The following SEMA3D variants were observed in gnomAD, a reference collection of about 807,000 sequenced individuals.
SEMA3D encodes the protein semaphorin-3D.
A neutral mutation model predicts 100.1 loss-of-function variants in SEMA3D; 84 were observed. The ratio of observed to expected loss-of-function variants is 0.84; its 90% CI spans 0.70 to 1.01. The LOEUF is 1.01. Among genes scored for constraint, SEMA3D ranks in the 50% least tolerant of loss-of-function variants. The pLI, the probability that SEMA3D is intolerant of heterozygous loss-of-function variation, is 0.00. For missense variants in SEMA3D, 875 were observed against 934.1 expected, an observed-to-expected ratio of 0.94 and a Z score of 0.82; for synonymous variants, 312 against 320.7, an observed-to-expected ratio of 0.97 and a Z score of 0.29.
intron 16 of SEMA3D, 47 bp downstream of exon 16, chr7:85,015,012 C>A: frequency 7.0e-7 from 1 of 1,437,706 alleles, no homozygotes; most frequent in South Asian, 1.2e-5. Context: ...GTGAGATATT[C>A]AGCTTGTAGA....
At chr7:85,013,750 G>A (rs1790022537) in intron 16 of SEMA3D, among the ~76,000 whole-genome samples, 1 of 151,864 alleles carries the variant, frequency 6.6e-6, no homozygotes, top group South Asian at 2.1e-4. Flanking sequence ...AAACATCACA[G>A]TGGCATGTCT....
intron 15 of SEMA3D, among the ~76,000 whole-genome samples, chr7:85,016,930 T>C (rs1790120880): frequency 6.6e-6 from 1 of 151,542 alleles, no homozygotes; most frequent in Non-Finnish European, 1.5e-5. Context: ...GGGCTTTCAT[T>C]GTTTTTAAGA....
chr7:85,087,238 C>A (rs1304110360), intron 4 of SEMA3D, among the ~76,000 whole-genome samples: 1 of 152,204 alleles, frequency 6.6e-6, no homozygotes, highest in African/African-American at 2.4e-5. Flanking sequence ...AACAGAGATG[C>A]CATTGCCTAA....
At chr7:85,084,151 GA>G (rs113868143) in intron 4 of SEMA3D, among the ~76,000 whole-genome samples, 1,652 of 141,826 alleles carry the variant, frequency 0.012, 28 homozygotes, top group African/African-American at 0.039. Context: ...CATCTCAAAA[GA>G]AAAAAAAAAA....
Position 85,086,738 on chromosome 7 carries a change from T to C in SEMA3D, c.313-5159A>G, listed in dbSNP as rs138037782. ...ACACGCAGTTATATAAAGGGAAAAA[T>C]AGAGATGTCAACTATAGGGTCATTG... is the stretch of plus-strand genomic sequence containing the variant. On this transcript the variant is annotated intron_variant, in intron 4 of 18. Coordinates refer to ENST00000284136, the MANE Select transcript of SEMA3D (RefSeq NM_001384900.1). Among the ~76,000 whole-genome samples, 20 of 148,600 alleles carry C rather than the reference T, an allele frequency of 1.3e-4. 2 individuals carry two copies. Among genetic ancestry groups the C allele is most frequent in the African/African-American group, 5.0e-4 (20 of 40,314 alleles).
At chr7:85,152,553 T>C (rs1383760005) in intron 2 of SEMA3D, among the ~76,000 whole-genome samples, 2 of 152,068 alleles carry the variant, frequency 1.3e-5, no homozygotes, top group Non-Finnish European at 2.9e-5. Flanking sequence ...ATTATGCCTA[T>C]CAAACAATGA....
At chr7:85,049,872 T>G (rs79543010) in intron 9 of SEMA3D, among the ~76,000 whole-genome samples, 118 of 151,846 alleles carry the variant, frequency 7.8e-4, no homozygotes, top group African/African-American at 2.7e-3. Context: ...AAGGAAATAC[T>G]GCAAAACAAA....
intron 17 of SEMA3D, among the ~76,000 whole-genome samples, chr7:85,011,455 G>A (rs1331596380): frequency 3.3e-5 from 5 of 151,722 alleles, no homozygotes; most frequent in East Asian, 1.9e-4. Flanking sequence ...CAGCAACTAC[G>A]TTTTGTATCA....
the SEMA3D span, among the ~76,000 whole-genome samples, chr7:85,243,807 ATTTAT>A: frequency 6.6e-6 from 1 of 152,326 alleles, no homozygotes; most frequent in African/African-American, 2.4e-5. Flanking sequence ...TTTATTCTGA[ATTTAT>A]TTTAACATTT....
chr7:85,126,731 C>G (rs755434102), intron 2 of SEMA3D, among the ~76,000 whole-genome samples: 1 of 151,680 alleles, frequency 6.6e-6, no homozygotes, highest in East Asian at 1.9e-4. Flanking sequence ...GTGGACAGCA[C>G]AACAAAGAGG....
chr7:85,087,480 A>T (rs549007229), intron 4 of SEMA3D, among the ~76,000 whole-genome samples: 6 of 152,194 alleles, frequency 3.9e-5, no homozygotes, highest in Admixed American at 6.5e-5. Flanking sequence ...GTGGATCCAG[A>T]AGAACCTAAG....
intron 4 of SEMA3D, among the ~76,000 whole-genome samples, chr7:85,089,487 A>G (rs1788317062): frequency 6.6e-6 from 1 of 152,090 alleles, no homozygotes; most frequent in Non-Finnish European, 1.5e-5. Context: ...CTATTCCCAA[A>G]TTGAAGACAC....
At chr7:85,246,964 G>C in the SEMA3D span, among the ~76,000 whole-genome samples, 15 of 151,904 alleles carry the variant, frequency 9.9e-5, no homozygotes, top group African/African-American at 3.6e-4. Flanking sequence ...AAAAAATAAT[G>C]CTGAAAGTAT....
intron 12 of SEMA3D, among the ~76,000 whole-genome samples, chr7:85,026,908 C>G (rs1204545000): frequency 6.6e-6 from 1 of 151,940 alleles, no homozygotes; most frequent in Non-Finnish European, 1.5e-5. Flanking sequence ...TACCTCAAAC[C>G]CCTGCTGTTG....
At chr7:85,066,655 T>A (rs1791629458) in intron 7 of SEMA3D, among the ~76,000 whole-genome samples, 1 of 152,000 alleles carries the variant, frequency 6.6e-6, no homozygotes, top group African/African-American at 2.4e-5. Context: ...AAATGGCAAA[T>A]CCCTACAGAG....
At chr7:85,165,868 A>C (rs1790890393) in intron 1 of SEMA3D, among the ~76,000 whole-genome samples, 1 of 152,074 alleles carries the variant, frequency 6.6e-6, no homozygotes, top group Non-Finnish European at 1.5e-5. Context: ...AGTATTTCCA[A>C]AGGTCAGCCT....
chr7:85,066,188 T>C (rs1335750694), intron 7 of SEMA3D, among the ~76,000 whole-genome samples: 3 of 152,058 alleles, frequency 2.0e-5, no homozygotes, highest in Non-Finnish European at 4.4e-5. Flanking sequence ...GTAAAGTACA[T>C]GTTCTGTTTC....
intron 11 of SEMA3D, among the ~76,000 whole-genome samples, chr7:85,038,830 G>GAA (rs1790774733): frequency 6.6e-6 from 1 of 152,034 alleles, no homozygotes; most frequent in Non-Finnish European, 1.5e-5. Flanking sequence ...TCTCATATTT[G>GAA]AACATTCATA....
At chr7:85,080,587 C>T (rs2116228999) in intron 5 of SEMA3D, among the ~76,000 whole-genome samples, 1 of 152,262 alleles carries the variant, frequency 6.6e-6, no homozygotes, top group Admixed American at 6.5e-5. Context: ...CCCCAGGTTA[C>T]AACCTGTTTT....
Sources: gnomAD v4.1 joint callset for allele counts (sites outside exome capture counted in the v4.1 genomes callset) on GRCh38, gnomAD v4.1.1 for gene constraint, MANE v1.5 for transcripts, NCBI Gene and HGNC (gene_info 2026-07-23, HGNC 2026-07-21) for gene names.